BAZ2B: variants seen among roughly 807,000 people sequenced by gnomAD.
The protein encoded by BAZ2B is bromodomain adjacent to zinc finger domain protein 2B.
A neutral mutation model predicts 246.0 loss-of-function variants in BAZ2B; 91 were observed. The observed-to-expected ratio is 0.37, with a 90% CI of 0.31 to 0.44. The LOEUF (loss-of-function observed/expected upper bound fraction) is 0.44. Among genes scored for constraint, BAZ2B ranks in the 20% least tolerant of loss-of-function variants. The pLI is 1.00. For synonymous variants in BAZ2B, 855 were observed against 860.0 expected, an observed-to-expected ratio of 0.99 and a Z score of 0.10; for missense variants, 2,332 against 2,533.7, an observed-to-expected ratio of 0.92 and a Z score of 1.71.
chr2:159,546,204 C>T (rs1052858570), intron 2 of BAZ2B, among the ~76,000 whole-genome samples: 1 of 152,068 alleles, frequency 6.6e-6, no homozygotes, highest in African/African-American at 2.4e-5. Flanking sequence ...ATTCCCACGT[C>T]ATGGGAGGAA....
chr2:159,467,694 T>C (rs904584193), intron 3 of BAZ2B, among the ~76,000 whole-genome samples: 4 of 124,672 alleles, frequency 3.2e-5, no homozygotes, highest in Non-Finnish European at 7.6e-5. Context: ...CTGCTGGTAA[T>C]GGTGGAGTGA....
chr2:159,325,859 C>T lies in BAZ2B; in HGVS notation c.6003G>A (p.Glu2001=), dbSNP rs747463243. ...KLHVKGKKTN[E]SKKGKKVTLT... ...AAGTTACCTTCTTGCCTTTCTTTGA[C>T]TCATTAGTCTTTTTTCCTTTGACAT... Residue 2001 remains glutamate, a synonymous_variant, in exon 35 of 37, where the codon GAG becomes GAA. Coordinates refer to ENST00000392783, the MANE Select transcript of BAZ2B (RefSeq NM_013450.4). The T allele has an allele frequency of 1.2e-6, 2 of 1,601,142 alleles. No homozygotes were observed. The highest frequency in any genetic ancestry group is 1.1e-5 in the South Asian group (1 of 86,962).
At chr2:159,470,702 G>A (rs1220749217) in intron 3 of BAZ2B, among the ~76,000 whole-genome samples, 1 of 152,170 alleles carries the variant, frequency 6.6e-6, no homozygotes, top group African/African-American at 2.4e-5. Flanking sequence ...ATGTGAGGGT[G>A]AAAGAGAAAT....
the BAZ2B span, among the ~76,000 whole-genome samples, chr2:159,701,682 G>T: frequency 2.7e-5 from 4 of 145,720 alleles, no homozygotes; most frequent in Non-Finnish European, 4.5e-5. Flanking sequence ...ATTTTATATT[G>T]TATTATATTA....
intron 2 of BAZ2B, among the ~76,000 whole-genome samples, chr2:159,515,400 G>A (rs1362999146): frequency 6.6e-6 from 1 of 151,784 alleles, no homozygotes; most frequent in East Asian, 1.9e-4. Context: ...ATATTCCTTT[G>A]GTAATATTAT....
At chr2:159,644,031 C>G in the BAZ2B span, among the ~76,000 whole-genome samples, 1 of 152,022 alleles carries the variant, frequency 6.6e-6, no homozygotes, top group African/African-American at 2.4e-5. Flanking sequence ...ATCTCTTGAC[C>G]CCAGGAGGTA....
the BAZ2B span, among the ~76,000 whole-genome samples, chr2:159,704,025 C>T: frequency 2.6e-5 from 4 of 152,146 alleles, no homozygotes; most frequent in Non-Finnish European, 5.9e-5. Flanking sequence ...TTACCATTCC[C>T]ATACCATTTT....
the BAZ2B span, among the ~76,000 whole-genome samples, chr2:159,654,380 T>C: frequency 1.3e-5 from 2 of 152,126 alleles, no homozygotes; most frequent in Admixed American, 6.6e-5. Context: ...GGCTTGAATA[T>C]ATCACATATT....
intron 27 of BAZ2B, among the ~76,000 whole-genome samples, chr2:159,355,007 C>T (rs1265346122): frequency 2.0e-5 from 3 of 152,152 alleles, no homozygotes; most frequent in Non-Finnish European, 2.9e-5. Flanking sequence ...CACTCTGACC[C>T]CTGTTAGTTC....
chr2:159,420,104 T>C (rs947071764), intron 13 of BAZ2B, among the ~76,000 whole-genome samples: 6 of 152,358 alleles, frequency 3.9e-5, no homozygotes, highest in African/African-American at 1.4e-4. Flanking sequence ...TAAGCTTCTC[T>C]AAACCAACAA....
chr2:159,421,680 T>G (rs1277254974), intron 13 of BAZ2B, among the ~76,000 whole-genome samples: 1 of 152,122 alleles, frequency 6.6e-6, no homozygotes, highest in Non-Finnish European at 1.5e-5. Context: ...AATAAATACA[T>G]ATATAATCAT....
chr2:159,462,953 T>C, intron 3 of BAZ2B: 1 of 1,112,730 alleles, frequency 9.0e-7, no homozygotes, highest in Non-Finnish European at 1.4e-6. Context: ...CTTTTTTCTA[T>C]AAGTGATCAA....
At chr2:159,696,022 A>C in the BAZ2B span, among the ~76,000 whole-genome samples, 2 of 152,080 alleles carry the variant, frequency 1.3e-5, no homozygotes, top group Middle Eastern at 3.2e-3. Flanking sequence ...AGCCTCCCAA[A>C]GTGCTGGGAT....
In BAZ2B at chr2:159,429,194, G is replaced by T; in HGVS notation, c.2255+6C>A. 6.6e-7 allele frequency: 1 copy of T among 1,521,408 alleles called. No homozygotes were observed. The highest frequency in any genetic ancestry group is 8.9e-7 in the Non-Finnish European group (1 of 1,128,846). The allele number at this position is 1,521,408 out of a possible 1,614,324, so 94.2% of individuals were successfully genotyped here. ...AAAAGAAAAAGGAAAACCTTATTTT[G>T]CATACCCATATTCCAATGGAATACG... On this transcript the variant is annotated splice_donor_region_variant and intron_variant, in intron 11 of 36. Transcript: ENST00000392783.
intron 27 of BAZ2B, among the ~76,000 whole-genome samples, chr2:159,370,531 C>T (rs1236447533): frequency 2.0e-5 from 3 of 151,620 alleles, no homozygotes; most frequent in East Asian, 2.0e-4. Context: ...CCACCACGCC[C>T]GGCTAATGTT....
chr2:159,347,523 A>T lies in BAZ2B; in HGVS notation c.5417T>A (p.Leu1806Gln). The T allele has an allele frequency of 6.2e-7, 1 of 1,613,934 alleles. No individual in the cohort carries two copies. Among genetic ancestry groups the T allele is most frequent in the Non-Finnish European group, 8.5e-7 (1 of 1,179,910 alleles). ...ACTTGCTGATGCAACTCTCCTTTCTAGATCTTCTACCTGTTGAAGGACACT... is the reference window on the plus strand; with the variant it reads ...ACTTGCTGATGCAACTCTCCTTTCTTGATCTTCTACCTGTTGAAGGACACT... ...DLSVLQQVED[L>Q]ERRVASASLQ... Residue 1806 changes from leucine to glutamine, a missense_variant, in exon 31 of 37, where the codon CTA becomes CAA. Around this residue, in one of 9 missense-constraint regions of BAZ2B, gnomAD observed 676 missense variants for 668.6 expected, o/e 1.01. Transcript: ENST00000392783.
At chr2:159,647,538 A>G in the BAZ2B span, among the ~76,000 whole-genome samples, 69,408 of 152,064 alleles carry the variant, frequency 0.46, 16,696 homozygotes, top group Middle Eastern at 0.64. Context: ...ACTCAGAATA[A>G]TGACTGACCA....
intron 20 of BAZ2B, 146 bp from the exon 21 acceptor site, chr2:159,389,631 T>G (rs764601759): frequency 4.2e-6 from 3 of 717,824 alleles, no homozygotes; most frequent in Non-Finnish European, 6.2e-6. Context: ...CTGTATATAT[T>G]TAATATCAAT....
In BAZ2B at chr2:159,370,378, CTTTTTT is replaced by C. The variant is rs55760591; in HGVS notation, c.4213+2661_4213+2666del. Among the ~76,000 whole-genome samples the C allele has an allele frequency of 5.8e-3, 539 of 92,242 alleles. 3 individuals are homozygous for C. Among genetic ancestry groups the C allele is most frequent in the African/African-American group, 0.02 (500 of 25,094 alleles). The allele number at this position is 92,242 out of a possible 152,430, so 60.5% of individuals were successfully genotyped here. ...TTAAGTCTCCTAGGCACTGTACTAC[CTTTTTT>C]TTTTTTTTTTTTTTTTGAGACGCAG... On this transcript the variant is annotated intron_variant, in intron 27 of 36. Coordinates refer to ENST00000392783, the MANE Select transcript of BAZ2B (RefSeq NM_013450.4).
Sources: gnomAD v4.1 joint callset for allele counts (sites outside exome capture counted in the v4.1 genomes callset) on GRCh38, gnomAD v4.1.1 for gene constraint, gnomAD v4.1.1 regional missense constraint, MANE v1.5 for transcripts, NCBI Gene and HGNC (gene_info 2026-07-23, HGNC 2026-07-21) for gene names.